The following DHX37 variants were observed in gnomAD, a reference collection of about 807,000 sequenced individuals.
The protein encoded by DHX37 is probable ATP-dependent RNA helicase DHX37.
DHX37 carries 52 observed loss-of-function variants against 134.3 expected under a neutral mutation model. That is an observed-to-expected ratio of 0.39 (90% CI 0.31 to 0.49). The LOEUF (loss-of-function observed/expected upper bound fraction) is 0.49. DHX37 is among the 20% of genes least tolerant of loss of function. The pLI, the probability that DHX37 is intolerant of heterozygous loss-of-function variation, is 0.93. For missense variants in DHX37, 1,344 were observed against 1,580.8 expected, an observed-to-expected ratio of 0.85 and a Z score of 2.54; for synonymous variants, 634 against 670.7, an observed-to-expected ratio of 0.95 and a Z score of 0.85.
At chr12:124,977,002 C>T (rs1954659020) in intron 5 of DHX37, among the ~76,000 whole-genome samples, 1 of 147,858 alleles carries the variant, frequency 6.8e-6, no homozygotes, top group Non-Finnish European at 1.5e-5. Flanking sequence ...GCCAATATCA[C>T]ACCACTGTAC....
rs141343765 is a variant in DHX37, at chr12:124,983,418, T to TACACACACACACACACAC, written c.277-813_277-796dup. Among the ~76,000 whole-genome samples the TACACACACACACACACAC allele has an allele frequency of 2.3e-3, 337 of 148,212 alleles. 2 individuals are homozygous for TACACACACACACACACAC. The highest frequency in any genetic ancestry group is 6.7e-3 in the South Asian group (31 of 4,602). On this transcript the variant is annotated intron_variant, in intron 2 of 26. Transcript: ENST00000308736. ...AGCCTACACACTTCTATGTGTGTAT[T>TACACACACACACACACAC]ACACACACACACACACACACACACA...
At chr12:124,974,946 T>C (rs900607647) in intron 6 of DHX37, among the ~76,000 whole-genome samples, 8 of 152,144 alleles carry the variant, frequency 5.3e-5, no homozygotes, top group Middle Eastern at 3.2e-3. Flanking sequence ...CTGGCTCATC[T>C]TGTATTTTTA....
chr12:124,973,269 A>G (rs1954557552), intron 6 of DHX37, among the ~76,000 whole-genome samples: 1 of 152,000 alleles, frequency 6.6e-6, no homozygotes, highest in Admixed American at 6.6e-5. Flanking sequence ...TACAAAAATT[A>G]GCCGGGCACC....
chr12:124,961,871 CAT>C (rs923844457), intron 15 of DHX37, among the ~76,000 whole-genome samples: 1 of 152,092 alleles, frequency 6.6e-6, no homozygotes, highest in African/African-American at 2.4e-5. Flanking sequence ...ATTAGGGAAA[CAT>C]AAACCGAATC....
chr12:124,976,182 C>T (rs934750619), intron 5 of DHX37, among the ~76,000 whole-genome samples: 4 of 152,216 alleles, frequency 2.6e-5, no homozygotes, highest in South Asian at 2.1e-4. Context: ...GAATCCAGTG[C>T]GTCCTGTGTG....
chr12:124,963,866 T>C (rs10846786), intron 15 of DHX37, among the ~76,000 whole-genome samples: 52,816 of 122,714 alleles, frequency 0.43, 10,939 homozygotes, highest in East Asian at 0.68. Context: ...GGCGACAGAG[T>C]GAGACTCGTC....
At chr12:124,959,843 C>A (rs867142657) in intron 16 of DHX37, among the ~76,000 whole-genome samples, 5 of 152,330 alleles carry the variant, frequency 3.3e-5, no homozygotes, top group Middle Eastern at 6.8e-3. Context: ...ACCTTCACTT[C>A]CCTGCCTCCG....
chr12:124,981,003 C>T lies in DHX37; in HGVS notation c.390-165G>A, dbSNP rs145584386. On this transcript the variant is annotated intron_variant, in intron 3 of 26. Transcript: ENST00000308736. ...TCCTCTCACTCCACTTAAGCCTCTG[C>T]TTAAGCACTAGCTGTCAGGGAGACT... is the stretch of plus-strand genomic sequence containing the variant. Among the ~76,000 whole-genome samples the T allele has an allele frequency of 1.2e-3, 177 of 152,200 alleles. 2 individuals are homozygous for T. The highest frequency in any genetic ancestry group is 4.0e-3 in the African/African-American group (168 of 41,532).
intron 2 of DHX37, among the ~76,000 whole-genome samples, chr12:124,985,474 C>T (rs925616688): frequency 3.3e-5 from 5 of 151,786 alleles, no homozygotes; most frequent in Admixed American, 2.0e-4. Flanking sequence ...TGGTGGTTCA[C>T]GCCTGTAATC....
At chr12:124,960,121 C>T (rs551179411) in intron 16 of DHX37, among the ~76,000 whole-genome samples, 191 bp downstream of exon 16, 5 of 152,324 alleles carry the variant, frequency 3.3e-5, no homozygotes, top group East Asian at 3.9e-4. Flanking sequence ...TGGGTGTCCA[C>T]GGGCGATGCA....
At chr12:124,985,904 T>C (rs953478671) in intron 2 of DHX37, among the ~76,000 whole-genome samples, 192 bp downstream of exon 2, 7 of 151,662 alleles carry the variant, frequency 4.6e-5, no homozygotes, top group Non-Finnish European at 1.0e-4. Context: ...TCCTCTGCCA[T>C]AGTAGCTGCA....
At chr12:124,971,174 G>A (rs941487829) in intron 8 of DHX37, 128 bp downstream of exon 8, 61 of 1,427,912 alleles carry the variant, frequency 4.3e-5, no homozygotes, top group Non-Finnish European at 5.6e-5. Context: ...GAGACCTTGT[G>A]CTCGGGGTAC....
In DHX37 at chr12:124,950,255, G is replaced by A; in HGVS notation, c.3122-12C>T. 6.2e-7 allele frequency: 1 copy of A among 1,613,356 alleles called. No individual in the cohort carries two copies. Among genetic ancestry groups the A allele is most frequent in the Non-Finnish European group, 8.5e-7 (1 of 1,179,936 alleles). Reference sequence around the variant, plus strand: ...CCAGCCCACGCGATCTAGAAGGTGGGAGCCAGTGAGACAGGGACCCTCCTG... The same window carrying A: ...CCAGCCCACGCGATCTAGAAGGTGGAAGCCAGTGAGACAGGGACCCTCCTG... On this transcript the variant is annotated splice_polypyrimidine_tract_variant and intron_variant, in intron 23 of 26. Transcript: ENST00000308736.
chr12:124,986,381 A>T, intron 1 of DHX37, 116 bp from the exon 2 acceptor site: 1 of 1,110,982 alleles, frequency 9.0e-7, no homozygotes, highest in Non-Finnish European at 1.3e-6. Flanking sequence ...GAACAGGGGG[A>T]TCTGTGAGCT....
In DHX37 at chr12:124,980,642, C is replaced by T. The variant is rs1310540632; in HGVS notation, c.586G>A (p.Val196Met). ...EPAEAGVGTT[V>M]APLPPAPAPS... is the part of the protein sequence containing the mutation. ...GCTGGAGCTGGCGGCAGAGGTGCCA[C>T]GGTGGTCCCCACACCAGCCTCAGCC... The change falls in exon 4 of 27, where the codon GTG (valine) becomes ATG (methionine). Residue 196 changes from valine to methionine, a missense_variant. Coordinates refer to ENST00000308736, the MANE Select transcript of DHX37 (RefSeq NM_032656.4). The surrounding 1 kb of genome is among the most constrained non-coding windows in gnomAD (Gnocchi z 5.3). 21 of 1,605,810 alleles carry T rather than the reference C, an allele frequency of 1.3e-5. No individual in the cohort carries two copies. Among genetic ancestry groups the T allele is most frequent in the South Asian group, 5.5e-5 (5 of 90,606 alleles).
chr12:124,971,153 C>T (rs1954514166), intron 8 of DHX37, 149 bp downstream of exon 8: 1 of 1,315,472 alleles, frequency 7.6e-7, no homozygotes, highest in African/African-American at 1.5e-5. Context: ...AGGCCTAGAC[C>T]TAGGCCCAGG....
intron 18 of DHX37, among the ~76,000 whole-genome samples, chr12:124,955,134 ATG>A (rs760311750): frequency 2.6e-5 from 4 of 152,246 alleles, no homozygotes; most frequent in Non-Finnish European, 5.9e-5. Context: ...ATGGTTAATT[ATG>A]TGTCCACTTG....
At position 124,952,496 on chromosome 12, in the gene DHX37, A is replaced by G. The variant is rs749664687; in HGVS notation, c.2770T>C (p.Tyr924His). The G allele has an allele frequency of 1.2e-6, 2 of 1,606,032 alleles. No homozygotes were observed. Among genetic ancestry groups the G allele is most frequent in the Non-Finnish European group, 8.5e-7 (1 of 1,174,512 alleles). The change falls in exon 21 of 27, where the codon TAC (tyrosine) becomes CAC (histidine). Residue 924 changes from tyrosine to histidine, a missense_variant. Physicochemically the swap from Tyr to His is moderately conservative, Grantham distance 83 (BLOSUM62 2). Around this residue, in one of 7 missense-constraint regions of DHX37, gnomAD observed 558 missense variants for 650.0 expected, o/e 0.86. Transcript: ENST00000308736. ...MQPPTESQVT[Y>H]LRQIVTAGLG... ...CCTGCCGTCACGATCTGTCGCAGGT[A>G]GGTCACCTGGCTCTCGGTGGGCGGC...
At position 124,947,834 on chromosome 12, in the gene DHX37, C is replaced by T. The variant is rs145827065; in HGVS notation, c.3442G>A (p.Glu1148Lys). ...ACAGTGGTGGGGGGCCAGGCTTTCTCGATATCGGGGTGCATGGCCTGTGGA... is the reference window on the plus strand; with the variant it reads ...ACAGTGGTGGGGGGCCAGGCTTTCTTGATATCGGGGTGCATGGCCTGTGGA... Reference protein sequence around the residue: ...WLPQAMHPDIEKAWPPTTVH With the variant: ...WLPQAMHPDIKKAWPPTTVH The change falls in exon 27 of 27, where the codon GAG becomes AAG. Residue 1148 changes from glutamate to lysine, a missense_variant. By Grantham distance (56) the Glu-to-Lys change is moderately conservative. This residue lies in a region of DHX37 where 558 missense variants were observed against 650.0 expected (regional missense o/e 0.86). Transcript: ENST00000308736. The T allele has an allele frequency of 1.2e-4, 200 of 1,601,188 alleles. 1 individual carries two copies. The highest frequency in any genetic ancestry group is 1.3e-4 in the African/African-American group (10 of 74,734).
Sources: allele counts gnomAD v4.1 joint callset (sites outside exome capture counted in the v4.1 genomes callset), GRCh38; gene constraint gnomAD v4.1.1; regional missense constraint gnomAD v4.1.1; non-coding constraint Gnocchi (gnomAD v3.1); transcripts MANE v1.5; gene names NCBI Gene and HGNC (gene_info 2026-07-23, HGNC 2026-07-21).